Variants in CACNA1G observed in about 807,000 individuals in gnomAD.
The protein encoded by CACNA1G is calcium voltage-gated channel subunit alpha1 G, also known as voltage-dependent T-type calcium channel subunit alpha-1G.
Under a neutral mutation model 219.4 loss-of-function variants are expected in CACNA1G, and 67 were observed. That is an observed-to-expected ratio of 0.31 (90% CI 0.25 to 0.37). CACNA1G has a LOEUF of 0.37. Among genes scored for constraint, CACNA1G ranks in the 10% least tolerant of loss-of-function variants. The probability of loss-of-function intolerance (pLI) is 1.00; values close to 1 mark genes in which losing one functional copy is unlikely to be tolerated. For synonymous variants in CACNA1G, 1,296 were observed against 1,345.3 expected, an observed-to-expected ratio of 0.96 and a Z score of 0.80; for missense variants, 2,380 against 3,231.4, an observed-to-expected ratio of 0.74 and a Z score of 6.39.
intron 7 of CACNA1G, among the ~76,000 whole-genome samples, chr17:50,574,133 G>A (rs1047315901): frequency 8.6e-5 from 13 of 150,532 alleles, no homozygotes; most frequent in Middle Eastern, 3.4e-3. Context: ...AGAATTCAGC[G>A]CCCCAGAGGG....
intron 8 of CACNA1G, among the ~76,000 whole-genome samples, chr17:50,577,700 T>C (rs1479804277): frequency 6.6e-6 from 1 of 151,756 alleles, no homozygotes; most frequent in Non-Finnish European, 1.5e-5. Context: ...CATATGGTGG[T>C]GTCCAAATAG....
rs2046507633 is a variant in CACNA1G at position 50,600,988 on chromosome 17, G to C, written c.3792-63G>C. ...CACTGGAGGGGCAGGGGCTGCGGGC[G>C]GTGCCTCTCGTTGCCACCTGCCCTG... On this transcript the variant is annotated intron_variant, in intron 18 of 37. Coordinates refer to ENST00000359106, the MANE Select transcript of CACNA1G (RefSeq NM_018896.5). The surrounding 1 kb of genome is among the most constrained non-coding windows in gnomAD (Gnocchi z 4.1). The C allele has an allele frequency of 6.3e-7, 1 of 1,596,584 alleles. No homozygotes were observed. The highest frequency in any genetic ancestry group is 1.7e-5 in the Admixed American group (1 of 59,642).
rs762314651 is a variant in CACNA1G, at chr17:50,599,798, G to A, written c.3629G>A (p.Arg1210Gln). Residue 1210 changes from arginine to glutamine, a missense_variant, in exon 17 of 38, where the codon CGG (arginine) becomes CAG (glutamine). This residue lies in a region of CACNA1G where 418 missense variants were observed against 434.3 expected (regional missense o/e 0.96). Transcript: ENST00000359106. The stretch of plus-strand genomic sequence containing the variant: ...AAGTCGGCTTCAGGGCGCCTGGCCC[G>A]GGCCCTGCGGCCTGATGACCCCCCA... ...NGKSASGRLA[R>Q]ALRPDDPPLD... 69 of 1,612,400 alleles carry A rather than the reference G, an allele frequency of 4.3e-5. No homozygotes were observed. Among genetic ancestry groups the A allele is most frequent in the African/African-American group, 1.5e-4 (11 of 74,942 alleles).
intron 35 of CACNA1G, among the ~76,000 whole-genome samples, 191 bp from the exon 36 acceptor site, chr17:50,623,716 G>C (rs966602172): frequency 1.3e-5 from 2 of 152,172 alleles, no homozygotes; most frequent in Non-Finnish European, 2.9e-5. Context: ...TCCTCCCCGC[G>C]TGTGGAGGGC....
In CACNA1G at chr17:50,627,348, G is replaced by GA. The variant is rs199814348; in HGVS notation, c.*607dup. 903 of 320,710 alleles carry GA rather than the reference G, an allele frequency of 2.8e-3. No individual in the cohort carries two copies. Among genetic ancestry groups the GA allele is most frequent in the South Asian group, 4.7e-3 (199 of 42,076 alleles). 19.9% of individuals were successfully genotyped at this position (320,710 alleles called of 1,614,324 possible). On this transcript the variant is annotated 3_prime_UTR_variant, in exon 38 of 38. Coordinates refer to ENST00000359106, the MANE Select transcript of CACNA1G (RefSeq NM_018896.5). ...TAACCTCGTCATCATTTTCTGTAGG[G>GA]AAAAAAAAAAGAAAAAGAAAAAATG... is the stretch of plus-strand genomic sequence containing the variant.
At chr17:50,624,302 T>A in intron 36 of CACNA1G, 58 bp from the exon 37 acceptor site, 2 of 1,446,972 alleles carry the variant, frequency 1.4e-6, no homozygotes, top group Non-Finnish European at 1.9e-6. Flanking sequence ...CCTGCTCCCC[T>A]GAACCCTCCA....
In CACNA1G at chr17:50,596,425, C is replaced by T. The variant is rs1455364209; in HGVS notation, c.2980-137C>T. On this transcript the variant is annotated intron_variant, in intron 14 of 37. Coordinates refer to ENST00000359106, the MANE Select transcript of CACNA1G (RefSeq NM_018896.5). The surrounding 1 kb of genome is among the most constrained non-coding windows in gnomAD (Gnocchi z 4.8). ...CAAGCCTGGGGGGTCTGGCCTGCGC[C>T]GTGCATGTCTCGTGCCGTGGTTGCT... 7 of 714,884 alleles carry T rather than the reference C, an allele frequency of 9.8e-6. No individual in the cohort carries two copies. Among genetic ancestry groups the T allele is most frequent in the African/African-American group, 1.7e-5 (1 of 57,494 alleles). The allele number at this position is 714,884 out of a possible 1,614,324, so 44.3% of individuals were successfully genotyped here. A position where few individuals can be genotyped will look rare whatever the true frequency, so the allele number is the denominator to read the frequency against.
In CACNA1G at chr17:50,605,984, G is replaced by A. The variant is rs745317066; in HGVS notation, c.4383G>A (p.Arg1461=). The change falls in exon 23 of 38, where the codon CGG becomes CGA. Residue 1461 remains arginine, a synonymous_variant. Coordinates refer to ENST00000359106, the MANE Select transcript of CACNA1G (RefSeq NM_018896.5). ...CGGACTGTGCCGAGGCCAGTTACCG[G>A]TGGGTCCGGCACAAGTACAACTTTG... is the stretch of plus-strand genomic sequence containing the variant. ...NKSDCAEASY[R]WVRHKYNFDN... 33 of 1,613,920 alleles carry A rather than the reference G, an allele frequency of 2.0e-5. No homozygotes were observed. Among genetic ancestry groups the A allele is most frequent in the Non-Finnish European group, 2.8e-5 (33 of 1,179,900 alleles).
intron 13 of CACNA1G, among the ~76,000 whole-genome samples, 181 bp from the exon 14 acceptor site, chr17:50,594,812 A>G (rs2045162504): frequency 1.3e-5 from 2 of 152,020 alleles, no homozygotes; most frequent in African/African-American, 4.8e-5. Flanking sequence ...GAGGGCCTGT[A>G]GTTGAATTCT....
chr17:50,610,118 C>T (rs531813508), intron 26 of CACNA1G, among the ~76,000 whole-genome samples, 183 bp downstream of exon 26: 1 of 152,326 alleles, frequency 6.6e-6, no homozygotes, highest in East Asian at 1.9e-4. Flanking sequence ...GGACGGGAGG[C>T]GAGGGCCTGA....
At chr17:50,612,004 C>T (rs1006483938) in intron 26 of CACNA1G, among the ~76,000 whole-genome samples, 3 of 152,220 alleles carry the variant, frequency 2.0e-5, no homozygotes, top group Non-Finnish European at 2.9e-5. Flanking sequence ...TCAGAGACCC[C>T]GAACAAGGGC....
At chr17:50,562,560 G>C (rs1444534709) in intron 1 of CACNA1G, among the ~76,000 whole-genome samples, 2 of 152,148 alleles carry the variant, frequency 1.3e-5, no homozygotes, top group African/African-American at 4.8e-5. Flanking sequence ...CTTGTGGAGG[G>C]AAAGACTGTG....
intron 25 of CACNA1G, among the ~76,000 whole-genome samples, chr17:50,609,076 G>C (rs1487434057): frequency 6.6e-6 from 1 of 152,158 alleles, no homozygotes; most frequent in Admixed American, 6.5e-5. Flanking sequence ...GATGGGTGCG[G>C]TGGCCTGAGT....
intron 37 of CACNA1G, 24 bp downstream of exon 37, chr17:50,624,553 C>T: frequency 6.4e-7 from 1 of 1,557,568 alleles, no homozygotes; most frequent in Admixed American, 1.9e-5. Flanking sequence ...GAAAGGCAGG[C>T]ACAGGCCTGG....
chr17:50,621,529 G>A lies in CACNA1G; in HGVS notation c.5926-131G>A. 3 of 946,168 alleles carry A rather than the reference G, an allele frequency of 3.2e-6. No homozygotes were observed. The South Asian group carries it at 4.8e-5, about 15-fold the overall frequency. 58.6% of individuals were successfully genotyped at this position (946,168 alleles called of 1,614,324 possible). ...GAAAGGGTGGGGAGAGAGAAGGGATGCCTTTTTCCCGCCCCCCTGTGCTTC... is the reference window on the plus strand; with the variant it reads ...GAAAGGGTGGGGAGAGAGAAGGGATACCTTTTTCCCGCCCCCCTGTGCTTC... On this transcript the variant is annotated intron_variant, in intron 34 of 37. Coordinates refer to ENST00000359106, the MANE Select transcript of CACNA1G (RefSeq NM_018896.5). This position sits in a 1 kb window ranked among gnomAD's most constrained non-coding sequence, Gnocchi z 4.6.
chr17:50,624,230 A>C (rs2053029784), intron 36 of CACNA1G, 130 bp from the exon 37 acceptor site: 2 of 1,245,926 alleles, frequency 1.6e-6, no homozygotes, highest in Non-Finnish European at 2.3e-6. Flanking sequence ...CTTTGAGTCC[A>C]GGGGGTAAGG....
chr17:50,568,948 C>T lies in CACNA1G; in HGVS notation c.321C>T (p.Ile107=), dbSNP rs529908416. The T allele has an allele frequency of 5.6e-5, 90 of 1,612,596 alleles. No homozygotes were observed. The highest frequency in any genetic ancestry group is 4.4e-4 in the South Asian group (40 of 91,068). Residue 107 remains isoleucine (I), a synonymous_variant, in exon 2 of 38, where the codon ATC becomes ATT. Coordinates refer to ENST00000359106, the MANE Select transcript of CACNA1G (RefSeq NM_018896.5). ...TLGMFRPCED[I]ACDSQRCRIL... is the part of the protein sequence containing the mutation. ...GCATGTTCCGGCCATGCGAGGACAT[C>T]GCCTGTGACTCCCAGCGCTGCCGGA...
chr17:50,578,048 C>T lies in CACNA1G; in HGVS notation c.1925-140C>T. On this transcript the variant is annotated intron_variant, in intron 8 of 37. Transcript: ENST00000359106. The surrounding 1 kb of genome is among the most constrained non-coding windows in gnomAD (Gnocchi z 4.5). ...ACTGCCCACCTTGCCTGACATTCAG[C>T]ACCCCTGGCCCACTAAGTGCCTAGC... 2 of 949,574 alleles carry T rather than the reference C, an allele frequency of 2.1e-6. No individual in the cohort carries two copies. The highest frequency in any genetic ancestry group is 4.6e-5 in the South Asian group (2 of 43,300). 58.8% of individuals were successfully genotyped at this position (949,574 alleles called of 1,614,324 possible). A position where few individuals can be genotyped will look rare whatever the true frequency, so the allele number is the denominator to read the frequency against.
Position 50,599,661 on chromosome 17 carries a change from G to C in CACNA1G, c.3492G>C (p.Leu1164=). 6.2e-7 allele frequency: 1 copy of C among 1,613,090 alleles called. No homozygotes were observed. The highest frequency in any genetic ancestry group is 1.3e-5 in the African/African-American group (1 of 75,058). ...GTGACCATCGCCACAGGGGGTCCCT[G>C]GAGCGGGAGGCCAAGAGTTCCTTTG... is the stretch of plus-strand genomic sequence containing the variant. ...AGSDHRHRGS[L]EREAKSSFDL... is the part of the protein sequence containing the mutation. Residue 1164 remains leucine (L), a synonymous_variant, in exon 17 of 38, where the codon CTG becomes CTC. Coordinates refer to ENST00000359106, the MANE Select transcript of CACNA1G (RefSeq NM_018896.5).
Sources: gnomAD v4.1 joint callset for allele counts (sites outside exome capture counted in the v4.1 genomes callset) on GRCh38, gnomAD v4.1.1 for gene constraint, gnomAD v4.1.1 regional missense constraint, Gnocchi (gnomAD v3.1) non-coding constraint, MANE v1.5 for transcripts, NCBI Gene and HGNC (gene_info 2026-07-23, HGNC 2026-07-21) for gene names.